The following PTPRM variants were observed in gnomAD, a reference collection of about 807,000 sequenced individuals.
PTPRM encodes the protein protein tyrosine phosphatase receptor type M.
PTPRM carries 47 observed loss-of-function variants against 186.7 expected under a neutral mutation model. The ratio of observed to expected loss-of-function variants is 0.25; its 90% CI spans 0.20 to 0.32. The LOEUF (loss-of-function observed/expected upper bound fraction) is 0.32, where lower values mean the gene tolerates loss of function less well. Ranked by LOEUF, PTPRM falls within the 10% of genes least tolerant of loss-of-function variation. The pLI is 1.00. For missense variants in PTPRM, 1,494 were observed against 1,865.0 expected (o/e 0.80, Z 3.66); for synonymous variants, 668 against 674.9 (o/e 0.99, Z 0.16).
intron 1 of PTPRM, among the ~76,000 whole-genome samples, chr18:7,633,142 A>G (rs554632321): frequency 6.6e-6 from 1 of 152,326 alleles, no homozygotes; most frequent in East Asian, 1.9e-4. Flanking sequence ...ATGACCAGGC[A>G]GCAGTCTGTA....
chr18:8,277,488 T>C (rs1188487981), intron 19 of PTPRM, among the ~76,000 whole-genome samples: 1 of 152,248 alleles, frequency 6.6e-6, no homozygotes, highest in East Asian at 1.9e-4. Context: ...TTCTTTTGCG[T>C]GTAAATGTTG....
chr18:8,386,726 C>T (rs1401210900), intron 30 of PTPRM, among the ~76,000 whole-genome samples: 1 of 152,140 alleles, frequency 6.6e-6, no homozygotes, highest in East Asian at 1.9e-4. Context: ...ATAAATTATT[C>T]ATTACCTGTA....
At chr18:8,144,012 ATCCTGTG>A (rs2146126057) in intron 14 of PTPRM, among the ~76,000 whole-genome samples, 1 of 152,362 alleles carries the variant, frequency 6.6e-6, no homozygotes, top group Admixed American at 6.5e-5. Context: ...CAGAATAACC[ATCCTGTG>A]TCTTCCCACA....
chr18:8,301,557 CT>C (rs1178621833), intron 20 of PTPRM, among the ~76,000 whole-genome samples: 1 of 152,226 alleles, frequency 6.6e-6, no homozygotes, highest in Non-Finnish European at 1.5e-5. Flanking sequence ...CTCTTCTGAT[CT>C]TTATTCAACA....
intron 1 of PTPRM, among the ~76,000 whole-genome samples, chr18:7,659,896 A>G (rs1478801664): frequency 7.2e-5 from 11 of 152,066 alleles, no homozygotes; most frequent in Non-Finnish European, 1.6e-4. Context: ...TTCTTGCCTC[A>G]TTTCAAAGTC....
intron 1 of PTPRM, among the ~76,000 whole-genome samples, chr18:7,683,339 A>T (rs905012255): frequency 5.3e-5 from 8 of 151,518 alleles, no homozygotes; most frequent in Admixed American, 2.6e-4. Context: ...CTGGCTAATT[A>T]AAAAAAATGT....
chr18:8,265,032 C>A (rs1327775148), intron 19 of PTPRM, among the ~76,000 whole-genome samples: 1 of 152,104 alleles, frequency 6.6e-6, no homozygotes, highest in Non-Finnish European at 1.5e-5. Context: ...ATGGAAATAA[C>A]CTTGTGTTTT....
At chr18:7,650,617 A>G (rs931292123) in intron 1 of PTPRM, among the ~76,000 whole-genome samples, 3 of 152,152 alleles carry the variant, frequency 2.0e-5, no homozygotes, top group Non-Finnish European at 4.4e-5. Flanking sequence ...CCAACCCTAT[A>G]CATTCTTATT....
At chr18:8,045,903 A>T (rs1248398691) in intron 7 of PTPRM, among the ~76,000 whole-genome samples, 1 of 152,224 alleles carries the variant, frequency 6.6e-6, no homozygotes, top group Non-Finnish European at 1.5e-5. Context: ...ACTTCCACAA[A>T]TCAAGTCTTT....
chr18:8,378,364 A>G lies in PTPRM; in HGVS notation c.3562A>G (p.Asn1188Asp). The stretch of plus-strand genomic sequence containing the variant: ...AGTTAGGTCTCTGTATTATGACATG[A>G]ACAAACTGGATCCACAGACAAACTC... ...SQVRSLYYDM[N>D]KLDPQTNSSQ... Residue 1188 changes from asparagine to aspartate, a missense_variant, in exon 27 of 33, where the codon AAC (asparagine) becomes GAC (aspartate). This residue lies in a region of PTPRM where 1,107 missense variants were observed against 1,350.2 expected (regional missense o/e 0.82). Transcript: ENST00000580170. The G allele has an allele frequency of 6.2e-7, 1 of 1,614,052 alleles. No homozygotes were observed. The highest frequency in any genetic ancestry group is 8.5e-7 in the Non-Finnish European group (1 of 1,179,938).
At chr18:8,271,766 C>T (rs1032941940) in intron 19 of PTPRM, among the ~76,000 whole-genome samples, 5 of 151,990 alleles carry the variant, frequency 3.3e-5, no homozygotes, top group African/African-American at 1.2e-4. Flanking sequence ...TATTTAGAGG[C>T]ATACATTTCT....
chr18:7,831,483 T>A (rs945998429), intron 2 of PTPRM, among the ~76,000 whole-genome samples: 1 of 152,174 alleles, frequency 6.6e-6, no homozygotes, highest in Admixed American at 6.5e-5. Context: ...TTTAATTTTT[T>A]AAAAATTGTT....
intron 2 of PTPRM, among the ~76,000 whole-genome samples, chr18:7,886,265 A>G (rs1208337294): frequency 6.6e-6 from 1 of 152,202 alleles, no homozygotes; most frequent in Non-Finnish European, 1.5e-5. Flanking sequence ...TGGATTTATG[A>G]TGGGGTTCAT....
chr18:7,589,562 C>A (rs750989100), intron 1 of PTPRM, among the ~76,000 whole-genome samples: 1 of 152,266 alleles, frequency 6.6e-6, no homozygotes, highest in East Asian at 1.9e-4. Context: ...AACTCCCCCC[C>A]ACCACCCTGG....
intron 1 of PTPRM, among the ~76,000 whole-genome samples, chr18:7,643,238 A>C (rs568760842): frequency 1.1e-4 from 16 of 152,320 alleles, no homozygotes; most frequent in African/African-American, 3.8e-4. Context: ...TGCTTTATAA[A>C]ATAAAACTTT....
intron 13 of PTPRM, among the ~76,000 whole-genome samples, chr18:8,142,788 T>A (rs1472231970): frequency 2.6e-5 from 4 of 152,230 alleles, no homozygotes; most frequent in Non-Finnish European, 5.9e-5. Context: ...CAAGCCCTTT[T>A]ACAAAGGAGT....
intron 19 of PTPRM, among the ~76,000 whole-genome samples, chr18:8,267,255 A>G (rs920689388): frequency 6.6e-6 from 1 of 152,178 alleles, no homozygotes; most frequent in African/African-American, 2.4e-5. Context: ...AAATCCAATT[A>G]ACATAATTTA....
chr18:7,825,505 G>A (rs2045437726), intron 2 of PTPRM, among the ~76,000 whole-genome samples: 1 of 152,078 alleles, frequency 6.6e-6, no homozygotes, highest in South Asian at 2.1e-4. Context: ...AGGTGTTTGT[G>A]AGGGATGGAG....
In PTPRM at chr18:8,127,043, G is replaced by C. The variant is rs536311343; in HGVS notation, c.2167+12216G>C. On this transcript the variant is annotated intron_variant, in intron 13 of 32. Coordinates refer to ENST00000580170, the MANE Select transcript of PTPRM (RefSeq NM_001105244.2). ...GGAGTGTTTTAGGAGAGACAGAAAG[G>C]ATCAGTTTTGCACTGTGTACTCCAA... 4.6e-5 allele frequency among the ~76,000 whole-genome samples: 7 copies of C among 152,068 alleles called. No individual in the cohort carries two copies. In the South Asian group the frequency reaches 1.5e-3, roughly 32 times the overall value.
Sources: allele counts gnomAD v4.1 joint callset (sites outside exome capture counted in the v4.1 genomes callset), GRCh38; gene constraint gnomAD v4.1.1; regional missense constraint gnomAD v4.1.1; transcripts MANE v1.5; gene names NCBI Gene and HGNC (gene_info 2026-07-23, HGNC 2026-07-21).